Variants in PDE1A observed in about 807,000 individuals in gnomAD.
The protein encoded by PDE1A is phosphodiesterase 1A, also known as dual specificity calcium/calmodulin-dependent 3',5'-cyclic nucleotide phosphodiesterase 1A.
In PDE1A, 35 loss-of-function variants were observed where a neutral mutation model predicts 61.7. The ratio of observed to expected loss-of-function variants is 0.57; its 90% CI spans 0.43 to 0.75. The LOEUF (loss-of-function observed/expected upper bound fraction) is 0.75. PDE1A is among the 30% of genes least tolerant of loss of function. The pLI is 0.00. For synonymous variants in PDE1A, 232 were observed against 213.2 expected, an observed-to-expected ratio of 1.09 and a Z score of -0.77; for missense variants, 597 against 630.6, an observed-to-expected ratio of 0.95 and a Z score of 0.57.
At chr2:182,645,135 G>A in the PDE1A span, among the ~76,000 whole-genome samples, 3 of 151,816 alleles carry the variant, frequency 2.0e-5, no homozygotes, top group African/African-American at 4.8e-5. Context: ...ACAGGTGCCC[G>A]CCACCACACC....
chr2:182,220,242 CATTGAAGAGATA>C (rs1340824979), intron 7 of PDE1A, among the ~76,000 whole-genome samples: 1 of 151,960 alleles, frequency 6.6e-6, no homozygotes, highest in Admixed American at 6.6e-5. Context: ...GTATAATTCT[CATTGAAGAGATA>C]ATTGAAGAGA....
the PDE1A span, among the ~76,000 whole-genome samples, chr2:182,671,423 C>T: frequency 6.8e-6 from 1 of 146,416 alleles, no homozygotes; most frequent in Non-Finnish European, 1.5e-5. Flanking sequence ...TTCCTGACCT[C>T]GTGATCCACC....
At chr2:182,716,700 C>A in the PDE1A span, among the ~76,000 whole-genome samples, 1 of 152,246 alleles carries the variant, frequency 6.6e-6, no homozygotes, top group Non-Finnish European at 1.5e-5. Flanking sequence ...CACTTTCTCC[C>A]TAAGTCCGAC....
At chr2:182,681,466 C>T in the PDE1A span, among the ~76,000 whole-genome samples, 8 of 151,414 alleles carry the variant, frequency 5.3e-5, no homozygotes. Flanking sequence ...AGCCACCATA[C>T]CTATCTGGAA....
the PDE1A span, among the ~76,000 whole-genome samples, chr2:182,693,312 C>T: frequency 6.6e-6 from 1 of 152,084 alleles, no homozygotes; most frequent in African/African-American, 2.4e-5. Context: ...ATTTTGAAGC[C>T]AATCACAAAT....
At chr2:182,285,255 T>A (rs773893748) in intron 1 of PDE1A, among the ~76,000 whole-genome samples, 1 of 152,124 alleles carries the variant, frequency 6.6e-6, no homozygotes, top group Admixed American at 6.6e-5. Flanking sequence ...TGGACACTCT[T>A]CAGAGTGTTT....
the PDE1A span, among the ~76,000 whole-genome samples, chr2:182,710,403 G>A: frequency 2.0e-5 from 3 of 152,044 alleles, no homozygotes; most frequent in African/African-American, 7.2e-5. Flanking sequence ...CCAAATTATA[G>A]GAGACAATAT....
the PDE1A span, among the ~76,000 whole-genome samples, chr2:182,641,742 T>G: frequency 6.6e-6 from 1 of 152,166 alleles, no homozygotes; most frequent in East Asian, 1.9e-4. Flanking sequence ...AGCAATTTAT[T>G]TATTGTTTTT....
intron 2 of PDE1A, among the ~76,000 whole-genome samples, chr2:182,460,010 A>C (rs989390036): frequency 1.3e-5 from 2 of 152,118 alleles, no homozygotes; most frequent in African/African-American, 4.8e-5. Flanking sequence ...ACAACTGCCA[A>C]GTCATCTTTT....
the PDE1A span, among the ~76,000 whole-genome samples, chr2:182,608,724 G>A: frequency 6.6e-6 from 1 of 152,200 alleles, no homozygotes; most frequent in Non-Finnish European, 1.5e-5. Flanking sequence ...CCCGACCAGC[G>A]CCGCCCCCTG....
the PDE1A span, among the ~76,000 whole-genome samples, chr2:182,667,744 G>C: frequency 4.6e-5 from 7 of 151,718 alleles, no homozygotes; most frequent in South Asian, 1.5e-3. Flanking sequence ...AGAGGGATTA[G>C]AATTGCTATA....
At chr2:182,690,330 G>C in the PDE1A span, among the ~76,000 whole-genome samples, 35 of 152,184 alleles carry the variant, frequency 2.3e-4, no homozygotes, top group East Asian at 5.8e-4. Flanking sequence ...GCTTATCCAC[G>C]ATGATCAAGT....
At chr2:182,262,891 A>G (rs1435277556) in intron 2 of PDE1A, among the ~76,000 whole-genome samples, 1 of 152,078 alleles carries the variant, frequency 6.6e-6, no homozygotes, top group Non-Finnish European at 1.5e-5. Flanking sequence ...TATGAGAAAC[A>G]GAGTAGACTG....
the PDE1A span, among the ~76,000 whole-genome samples, chr2:182,627,023 A>ATTTAATATATTATTATATTTATCTAT: frequency 1.9e-5 from 1 of 52,422 alleles, no homozygotes; most frequent in Admixed American, 4.6e-4. Context: ...ATTTATATAT[A>ATTTAATATATTATTATATTTATCTAT]AAATATAAAT....
At chr2:182,602,014 ACTGGGGAC>A in the PDE1A span, among the ~76,000 whole-genome samples, 1 of 152,176 alleles carries the variant, frequency 6.6e-6, no homozygotes, top group South Asian at 2.1e-4. Flanking sequence ...GTAGGGTCTC[ACTGGGGAC>A]CTTCCCCCTT....
chr2:182,264,096 G>C (rs553877297), intron 2 of PDE1A, among the ~76,000 whole-genome samples: 2 of 152,022 alleles, frequency 1.3e-5, no homozygotes, highest in African/African-American at 4.8e-5. Context: ...TCAAACATTT[G>C]GATTAAAATG....
chr2:182,705,557 G>A, the PDE1A span, among the ~76,000 whole-genome samples: 1 of 151,866 alleles, frequency 6.6e-6, no homozygotes, highest in Non-Finnish European at 1.5e-5. Context: ...CAAGGCTGGA[G>A]TGGAGTGCAG....
At chr2:182,263,147 C>A (rs1234187695) in intron 2 of PDE1A, among the ~76,000 whole-genome samples, 1 of 152,172 alleles carries the variant, frequency 6.6e-6, no homozygotes, top group Non-Finnish European at 1.5e-5. Context: ...GGTGTCCTCA[C>A]CTCCATATTC....
chr2:182,483,295 G>C (rs971049691), intron 2 of PDE1A, among the ~76,000 whole-genome samples: 1 of 151,834 alleles, frequency 6.6e-6, no homozygotes, highest in African/African-American at 2.4e-5. Flanking sequence ...AAATAAAGGG[G>C]TATAGAAGAC....
Sources: allele counts gnomAD v4.1 joint callset (sites outside exome capture counted in the v4.1 genomes callset), GRCh38; gene constraint gnomAD v4.1.1; transcripts MANE v1.5; gene names NCBI Gene and HGNC (gene_info 2026-07-23, HGNC 2026-07-21).